SLC25A48: variants seen among roughly 807,000 people sequenced by gnomAD.
The protein encoded by SLC25A48 is CTC-321K16.1.
A neutral mutation model predicts 32.2 loss-of-function variants in SLC25A48; 29 were observed. The observed-to-expected ratio is 0.90, with a 90% CI of 0.67 to 1.23. The LOEUF is 1.23. Among genes scored for constraint, SLC25A48 ranks in the 50% most tolerant of loss-of-function variants. SLC25A48 has a pLI of 0.00. For missense variants in SLC25A48, 399 were observed against 422.7 expected (o/e 0.94, Z 0.49); for synonymous variants, 164 against 172.3 (o/e 0.95, Z 0.38).
intron 3 of SLC25A48, among the ~76,000 whole-genome samples, chr5:135,749,128 C>A (rs2127006793): frequency 6.6e-6 from 1 of 152,200 alleles, no homozygotes; most frequent in Middle Eastern, 3.4e-3. Flanking sequence ...CACTTTAGAT[C>A]TCTCTTTTGT....
At chr5:135,731,303 T>C (rs2126991835) in intron 3 of SLC25A48, among the ~76,000 whole-genome samples, 1 of 152,336 alleles carries the variant, frequency 6.6e-6, no homozygotes, top group South Asian at 2.1e-4. Context: ...TTTGTGATTC[T>C]TCAGTTACTT....
At chr5:135,799,790 T>C (rs1486690937) in intron 3 of SLC25A48, among the ~76,000 whole-genome samples, 7 of 151,726 alleles carry the variant, frequency 4.6e-5, no homozygotes, top group African/African-American at 1.7e-4. Context: ...ATATTGTTCC[T>C]AATATTCAGT....
intron 3 of SLC25A48, among the ~76,000 whole-genome samples, chr5:135,776,733 G>T (rs1222555418): frequency 2.6e-5 from 4 of 151,204 alleles, no homozygotes; most frequent in East Asian, 3.9e-4. Context: ...AAACCCGGGG[G>T]GTGGGGAAAG....
intron 4 of SLC25A48, among the ~76,000 whole-genome samples, chr5:135,854,113 C>G (rs950515240): frequency 6.6e-6 from 1 of 152,206 alleles, no homozygotes; most frequent in Non-Finnish European, 1.5e-5. Context: ...GGAAACCATG[C>G]TGTAAACAGA....
intron 3 of SLC25A48, among the ~76,000 whole-genome samples, chr5:135,665,485 G>A (rs1472670215): frequency 6.6e-6 from 1 of 151,384 alleles, no homozygotes; most frequent in African/African-American, 2.4e-5. Context: ...ATTTGCTTTG[G>A]GGTCTTAGTC....
At chr5:135,785,194 A>C (rs1455744290) in intron 3 of SLC25A48, among the ~76,000 whole-genome samples, 2 of 152,168 alleles carry the variant, frequency 1.3e-5, no homozygotes, top group Non-Finnish European at 2.9e-5. Context: ...TTGCCAAAAA[A>C]GTAAATACAC....
intron 3 of SLC25A48, among the ~76,000 whole-genome samples, chr5:135,742,945 T>C (rs1755532697): frequency 4.7e-5 from 1 of 21,406 alleles, no homozygotes; most frequent in Non-Finnish European, 8.5e-5. Context: ...CATTTAGAAA[T>C]GTCTGGAGAC....
At chr5:135,804,277 A>AGGG (rs1757407974) in intron 3 of SLC25A48, among the ~76,000 whole-genome samples, 1 of 151,708 alleles carries the variant, frequency 6.6e-6, no homozygotes, top group Non-Finnish European at 1.5e-5. Flanking sequence ...ATATCTCCCT[A>AGGG]AGATATTACA....
chr5:135,835,146 A>G (rs548688896), intron 1 of SLC25A48: 1 of 686,046 alleles, frequency 1.5e-6, no homozygotes, highest in East Asian at 2.8e-5. Context: ...GTGGGACTTG[A>G]TGAGGTAATG....
intron 3 of SLC25A48, among the ~76,000 whole-genome samples, chr5:135,664,143 A>T (rs1344064885): frequency 6.6e-6 from 1 of 152,222 alleles, no homozygotes; most frequent in Non-Finnish European, 1.5e-5. Context: ...AACCATGGAC[A>T]TGTGATTTTA....
chr5:135,672,462 T>C (rs1175769236), intron 3 of SLC25A48, among the ~76,000 whole-genome samples: 1 of 152,126 alleles, frequency 6.6e-6, no homozygotes, highest in African/African-American at 2.4e-5. Flanking sequence ...GAAGAGAGTG[T>C]CCCCACAAGA....
intron 3 of SLC25A48, among the ~76,000 whole-genome samples, chr5:135,739,908 A>G (rs147460690): frequency 0.017 from 2,522 of 152,306 alleles, 48 homozygotes; most frequent in African/African-American, 0.048. Context: ...ACATCAGAAC[A>G]TAATTACGTG....
intron 4 of SLC25A48, among the ~76,000 whole-genome samples, chr5:135,864,680 C>T (rs1422766417): frequency 3.9e-5 from 6 of 152,220 alleles, no homozygotes; most frequent in Non-Finnish European, 7.3e-5. Flanking sequence ...TTGTTCTGAA[C>T]GGTTTGACTA....
At chr5:135,883,954 A>G (rs1189115869) in intron 7 of SLC25A48, among the ~76,000 whole-genome samples, 1 of 152,152 alleles carries the variant, frequency 6.6e-6, no homozygotes. Context: ...CTGTGCCCAC[A>G]ACAAGCATTC....
At chr5:135,736,944 G>A (rs1222463706) in intron 3 of SLC25A48, among the ~76,000 whole-genome samples, 1 of 152,174 alleles carries the variant, frequency 6.6e-6, no homozygotes, top group East Asian at 1.9e-4. Flanking sequence ...CCGCTTACCC[G>A]ATTTAAAATT....
intron 6 of SLC25A48, among the ~76,000 whole-genome samples, chr5:135,878,624 C>A (rs546875065): frequency 3.9e-4 from 59 of 152,246 alleles, no homozygotes; most frequent in African/African-American, 1.4e-3. Context: ...GATATCCTAG[C>A]CAGTGACAGA....
chr5:135,743,185 C>T (rs1467601005), intron 3 of SLC25A48, among the ~76,000 whole-genome samples: 2 of 145,378 alleles, frequency 1.4e-5, no homozygotes, highest in Admixed American at 6.9e-5. Flanking sequence ...GATTCTCCTG[C>T]CTCAGCCTCC....
At chr5:135,737,053 G>A (rs528066285) in intron 3 of SLC25A48, among the ~76,000 whole-genome samples, 19 of 152,310 alleles carry the variant, frequency 1.2e-4, no homozygotes, top group Non-Finnish European at 2.4e-4. Flanking sequence ...TTGATCTCCC[G>A]AGGGAGGTCC....
At chr5:135,711,809 C>G (rs762132317) in intron 3 of SLC25A48, among the ~76,000 whole-genome samples, 1 of 152,114 alleles carries the variant, frequency 6.6e-6, no homozygotes, top group Non-Finnish European at 1.5e-5. Flanking sequence ...CACCCTCATT[C>G]TGCTCCGTTT....
Sources: allele counts gnomAD v4.1 joint callset (sites outside exome capture counted in the v4.1 genomes callset), GRCh38; gene constraint gnomAD v4.1.1; transcripts MANE v1.5; gene names NCBI Gene and HGNC (gene_info 2026-07-23, HGNC 2026-07-21).